The following LARP1B variants were observed in gnomAD, a reference collection of about 807,000 sequenced individuals.
The protein encoded by LARP1B is La ribonucleoprotein 1B.
In LARP1B, 76 loss-of-function variants were observed where a neutral mutation model predicts 114.2. The ratio of observed to expected loss-of-function variants is 0.67; its 90% CI spans 0.55 to 0.81. LARP1B has a LOEUF of 0.81. Among genes scored for constraint, LARP1B ranks in the 30% least tolerant of loss-of-function variants. The pLI, the probability that LARP1B is intolerant of heterozygous loss-of-function variation, is 0.00. For synonymous variants in LARP1B, 345 were observed against 348.0 expected (o/e 0.99, Z 0.10); for missense variants, 1,014 against 1,075.8 (o/e 0.94, Z 0.80).
At chr4:128,067,281 G>C (rs1763365153) in intron 1 of LARP1B, among the ~76,000 whole-genome samples, 1 of 152,110 alleles carries the variant, frequency 6.6e-6, no homozygotes. Context: ...TTGAGAGAGA[G>C]AATTGTATTG....
Position 128,078,001 on chromosome 4 carries a change from G to A in LARP1B, c.217+39G>A, listed in dbSNP as rs750467503. 6 of 1,382,606 alleles carry A rather than the reference G, an allele frequency of 4.3e-6. No homozygotes were observed. The Admixed American group carries it at 1.2e-4, about 28-fold the overall frequency. The allele number at this position is 1,382,606 out of a possible 1,614,324, so 85.6% of individuals were successfully genotyped here. A position where few individuals can be genotyped will look rare whatever the true frequency, so the allele number is the denominator to read the frequency against. ...TATCTTTATTTTGATTTTAGTTTTT[G>A]AAGAAAGTTGTAATGAGGAATTACA... On this transcript the variant is annotated intron_variant, in intron 4 of 19. Coordinates refer to ENST00000326639, the MANE Select transcript of LARP1B (RefSeq NM_018078.4).
intron 15 of LARP1B, among the ~76,000 whole-genome samples, chr4:128,186,883 A>G (rs1750554148): frequency 6.6e-6 from 1 of 152,156 alleles, no homozygotes; most frequent in Admixed American, 6.5e-5. Flanking sequence ...GCATGGCTAA[A>G]AGGGGCCCAG....
At chr4:128,076,720 ACT>A (rs1768045059) in intron 3 of LARP1B, among the ~76,000 whole-genome samples, 1 of 151,126 alleles carries the variant, frequency 6.6e-6, no homozygotes. Context: ...ATCTTCACTC[ACT>A]CTCTTTTTTG....
At chr4:128,103,119 T>C (rs1041746854) in intron 8 of LARP1B, among the ~76,000 whole-genome samples, 1 of 152,174 alleles carries the variant, frequency 6.6e-6, no homozygotes, top group Non-Finnish European at 1.5e-5. Context: ...TGGAAAATAC[T>C]GATGTACCCA....
chr4:128,150,292 CTTTTTTTTTTTT>C (rs5861846), intron 11 of LARP1B, among the ~76,000 whole-genome samples: 2 of 135,028 alleles, frequency 1.5e-5, no homozygotes, highest in South Asian at 2.4e-4. Flanking sequence ...TAATTTTTTT[CTTTTTTTTTTTT>C]TTTTCAGACA....
chr4:128,070,592 C>T (rs958548217), intron 1 of LARP1B, among the ~76,000 whole-genome samples: 5 of 152,072 alleles, frequency 3.3e-5, no homozygotes, highest in Admixed American at 6.6e-5. Context: ...ACCCGGGAGG[C>T]GGAGGTTGCA....
At chr4:128,135,472 A>C (rs1323769116) in intron 11 of LARP1B, among the ~76,000 whole-genome samples, 1 of 152,212 alleles carries the variant, frequency 6.6e-6, no homozygotes, top group Non-Finnish European at 1.5e-5. Flanking sequence ...TTGCGTGTCC[A>C]TGTTCAGAGC....
At chr4:128,088,973 A>T (rs1399999437) in intron 5 of LARP1B, among the ~76,000 whole-genome samples, 1 of 152,062 alleles carries the variant, frequency 6.6e-6, no homozygotes, top group African/African-American at 2.4e-5. Context: ...AAAAAAAGGA[A>T]ATGTTTGAAA....
chr4:128,135,262 C>A (rs551151123), intron 11 of LARP1B, among the ~76,000 whole-genome samples: 1 of 152,010 alleles, frequency 6.6e-6, no homozygotes, highest in African/African-American at 2.4e-5. Flanking sequence ...TTTAAAAAAA[C>A]ACACAGAAAA....
intron 4 of LARP1B, among the ~76,000 whole-genome samples, chr4:128,080,044 C>T (rs1313502706): frequency 1.5e-4 from 23 of 149,092 alleles, no homozygotes; most frequent in East Asian, 1.4e-3. Context: ...AGTGCAATGG[C>T]GCGATCTCCA....
At chr4:128,161,228 T>C (rs993907476) in intron 11 of LARP1B, among the ~76,000 whole-genome samples, 3 of 152,094 alleles carry the variant, frequency 2.0e-5, no homozygotes, top group Non-Finnish European at 4.4e-5. Context: ...GGGTTCAACC[T>C]TTAGGGTTCA....
intron 9 of LARP1B, chr4:128,108,921 GTT>G: frequency 2.5e-6 from 2 of 803,440 alleles, no homozygotes; most frequent in African/African-American, 1.9e-5. Context: ...ACATTTTTGT[GTT>G]TTTTAATATA....
At chr4:128,061,084 C>A (rs1283594723), upstream of LARP1B, among the ~76,000 whole-genome samples, 1 of 152,034 alleles carries the variant, frequency 6.6e-6, no homozygotes, top group Non-Finnish European at 1.5e-5. Context: ...GGGGCGGCCT[C>A]AGCCAGTGAG....
chr4:128,162,372 T>C, intron 12 of LARP1B, 55 bp downstream of exon 12: 2 of 1,466,316 alleles, frequency 1.4e-6, no homozygotes. Context: ...CAGTTCTGAA[T>C]TGTTTTTAAA....
chr4:128,194,975 CA>C (rs1753619516), intron 15 of LARP1B, among the ~76,000 whole-genome samples: 1 of 151,992 alleles, frequency 6.6e-6, no homozygotes, highest in Non-Finnish European at 1.5e-5. Flanking sequence ...TTTTAAAGTT[CA>C]TTTGTGATTA....
intron 11 of LARP1B, among the ~76,000 whole-genome samples, chr4:128,127,086 T>C (rs550222776): frequency 2.0e-5 from 3 of 152,314 alleles, no homozygotes; most frequent in African/African-American, 4.8e-5. Context: ...GAATGATAGC[T>C]TTAATTTGCC....
Position 128,211,436 on chromosome 4 carries a change from T to C in LARP1B, c.*1383T>C. Reference sequence around the variant, plus strand: ...GATGGGCTGTTAATTTGTAAATAGGTTTTCATTAAGTTATTTCTCATGATA... The same window carrying C: ...GATGGGCTGTTAATTTGTAAATAGGCTTTCATTAAGTTATTTCTCATGATA... On this transcript the variant is annotated 3_prime_UTR_variant, in exon 20 of 20. Coordinates refer to ENST00000326639, the MANE Select transcript of LARP1B (RefSeq NM_018078.4). 2 of 918,070 alleles carry C rather than the reference T, an allele frequency of 2.2e-6. No individual in the cohort carries two copies. Among genetic ancestry groups the C allele is most frequent in the Non-Finnish European group, 2.6e-6 (2 of 768,800 alleles). The allele number at this position is 918,070 out of a possible 1,614,324, so 56.9% of individuals were successfully genotyped here. A position where few individuals can be genotyped will look rare whatever the true frequency, so the allele number is the denominator to read the frequency against.
chr4:128,093,772 A>C (rs1776761178), intron 7 of LARP1B, among the ~76,000 whole-genome samples: 1 of 142,786 alleles, frequency 7.0e-6, no homozygotes, highest in Admixed American at 7.4e-5. Context: ...GTGCAATGGC[A>C]CGATCTCGGC....
At chr4:128,146,094 A>G (rs1730226229) in intron 11 of LARP1B, among the ~76,000 whole-genome samples, 1 of 152,222 alleles carries the variant, frequency 6.6e-6, no homozygotes, top group Admixed American at 6.5e-5. Flanking sequence ...ACATATGTAT[A>G]CATGCATTTT....
Sources: allele counts gnomAD v4.1 joint callset (sites outside exome capture counted in the v4.1 genomes callset), GRCh38; gene constraint gnomAD v4.1.1; transcripts MANE v1.5; gene names NCBI Gene and HGNC (gene_info 2026-07-23, HGNC 2026-07-21).